PIK3C2G: variants seen among roughly 807,000 people sequenced by gnomAD.
The protein encoded by PIK3C2G is phosphatidylinositol-4-phosphate 3-kinase catalytic subunit type 2 gamma.
PIK3C2G carries 168 observed loss-of-function variants against 181.1 expected under a neutral mutation model. The ratio of observed to expected loss-of-function variants is 0.93; its 90% CI spans 0.82 to 1.05. PIK3C2G has a LOEUF of 1.05. Ranked by LOEUF, PIK3C2G falls within the 50% of genes least tolerant of loss-of-function variation. The pLI is 0.00. For missense variants in PIK3C2G, 1,869 were observed against 1,732.8 expected (o/e 1.08, Z -1.40); for synonymous variants, 573 against 592.2 (o/e 0.97, Z 0.47).
At chr12:18,509,279 C>T (rs1198109264) in intron 24 of PIK3C2G, among the ~76,000 whole-genome samples, 6 of 152,152 alleles carry the variant, frequency 3.9e-5, no homozygotes, top group Non-Finnish European at 7.3e-5. Flanking sequence ...AACTCCCGAC[C>T]TCAGGCAATT....
At chr12:18,611,663 T>G (rs931091581) in intron 31 of PIK3C2G, among the ~76,000 whole-genome samples, 6 of 152,096 alleles carry the variant, frequency 3.9e-5, no homozygotes, top group Non-Finnish European at 7.4e-5. Context: ...GCCACCTTTT[T>G]CATCTCAGTA....
chr12:18,663,564 A>C, the PIK3C2G span, among the ~76,000 whole-genome samples: 6 of 152,124 alleles, frequency 3.9e-5, no homozygotes, highest in Non-Finnish European at 5.9e-5. Flanking sequence ...TCCCACATTG[A>C]TACCAAAGGA....
At chr12:18,401,603 A>G (rs772232419) in intron 16 of PIK3C2G, among the ~76,000 whole-genome samples, 2 of 152,174 alleles carry the variant, frequency 1.3e-5, no homozygotes, top group South Asian at 4.1e-4. Flanking sequence ...AGAATAAGAG[A>G]AAATAAATAT....
At chr12:18,499,174 C>T (rs74068012) in intron 22 of PIK3C2G, among the ~76,000 whole-genome samples, 1,966 of 152,276 alleles carry the variant, frequency 0.013, 42 homozygotes, top group African/African-American at 0.046. Context: ...TTGTAGATGT[C>T]GCAAGACAAA....
At chr12:18,422,083 A>G (rs1592219345) in intron 17 of PIK3C2G, among the ~76,000 whole-genome samples, 1 of 152,084 alleles carries the variant, frequency 6.6e-6, no homozygotes, top group Non-Finnish European at 1.5e-5. Context: ...GTTTTCACAA[A>G]AGTCTGTAGA....
intron 1 of PIK3C2G, among the ~76,000 whole-genome samples, chr12:18,249,144 TTCC>T (rs1948071419): frequency 6.6e-6 from 1 of 152,168 alleles, no homozygotes; most frequent in Admixed American, 6.5e-5. Context: ...TTATACTTCA[TTCC>T]CTGCCACCAC....
At chr12:18,363,903 A>G (rs1217748142) in intron 12 of PIK3C2G, among the ~76,000 whole-genome samples, 2 of 152,138 alleles carry the variant, frequency 1.3e-5, no homozygotes, top group African/African-American at 4.8e-5. Context: ...TAGGACCATG[A>G]CAATCTCTAT....
At chr12:18,276,602 T>C (rs1393364149) in intron 1 of PIK3C2G, among the ~76,000 whole-genome samples, 1 of 152,200 alleles carries the variant, frequency 6.6e-6, no homozygotes, top group Non-Finnish European at 1.5e-5. Context: ...ATATTCTATA[T>C]AAAATCCTAC....
At chr12:18,282,846 T>A in intron 2 of PIK3C2G, 87 bp downstream of exon 2, 2 of 892,856 alleles carry the variant, frequency 2.2e-6, no homozygotes, top group South Asian at 2.3e-5. Flanking sequence ...TGAAGATAAC[T>A]AAACTTAAAT....
intron 19 of PIK3C2G, 28 bp downstream of exon 19, chr12:18,488,657 G>C (rs780862408): frequency 7.4e-7 from 1 of 1,352,796 alleles, no homozygotes; most frequent in African/African-American, 1.5e-5. Context: ...TATTCAGGTA[G>C]TAATGTTTTT....
intron 11 of PIK3C2G, 69 bp downstream of exon 11, chr12:18,346,905 CATGTTCT>C: frequency 9.8e-7 from 1 of 1,017,430 alleles, no homozygotes; most frequent in East Asian, 2.8e-5. Flanking sequence ...TGCAATTTGT[CATGTTCT>C]TATATGCAGG....
chr12:18,366,897 G>A (rs565949816), intron 12 of PIK3C2G, among the ~76,000 whole-genome samples: 2 of 151,874 alleles, frequency 1.3e-5, no homozygotes, highest in Non-Finnish European at 2.9e-5. Context: ...AAATTCATAG[G>A]TATTAAAGAA....
At chr12:18,472,954 C>T (rs1938593651) in intron 18 of PIK3C2G, among the ~76,000 whole-genome samples, 3 of 152,170 alleles carry the variant, frequency 2.0e-5, no homozygotes, top group Admixed American at 2.0e-4. Flanking sequence ...CCCACCTCAC[C>T]TTCCAAAAGT....
intron 11 of PIK3C2G, among the ~76,000 whole-genome samples, chr12:18,351,623 A>G (rs555607922): frequency 5.9e-5 from 9 of 152,318 alleles, no homozygotes; most frequent in African/African-American, 2.2e-4. Context: ...TGTTATCTGC[A>G]AGGGATTGGT....
At chr12:18,361,533 G>GAAA (rs35694150) in intron 11 of PIK3C2G, among the ~76,000 whole-genome samples, 1 of 146,256 alleles carries the variant, frequency 6.8e-6, no homozygotes, top group Non-Finnish European at 1.5e-5. Context: ...GCTTCCCACT[G>GAAA]AAAAAAAAAA....
At chr12:18,630,881 T>C (rs1949322491) in intron 31 of PIK3C2G, among the ~76,000 whole-genome samples, 1 of 152,100 alleles carries the variant, frequency 6.6e-6, no homozygotes, top group African/African-American at 2.4e-5. Context: ...AGGAAACTTC[T>C]CATTGCTTAT....
intron 29 of PIK3C2G, among the ~76,000 whole-genome samples, chr12:18,572,221 T>A (rs998267711): frequency 6.7e-5 from 10 of 150,072 alleles, no homozygotes; most frequent in Non-Finnish European, 1.2e-4. Flanking sequence ...TATAATCAAC[T>A]TTTTTTAGTC....
intron 18 of PIK3C2G, among the ~76,000 whole-genome samples, chr12:18,430,963 C>A (rs1946123018): frequency 6.6e-6 from 1 of 151,898 alleles, no homozygotes; most frequent in African/African-American, 2.4e-5. Context: ...TTTAAATAAT[C>A]TTCCCTCAAC....
rs1019137741 is a variant in PIK3C2G at position 18,449,391 on chromosome 12, C to T, written c.2504+25352C>T. ...TGGTAGTTTGCTGCACCTATCAACA[C>T]GTCATCTAGGTTTTAAGCTCCACAT... On this transcript the variant is annotated intron_variant, in intron 18 of 32. Transcript: ENST00000538779. 1.1e-3 allele frequency among the ~76,000 whole-genome samples: 167 copies of T among 152,046 alleles called. 1 individual carries two copies. The highest frequency in any genetic ancestry group is 4.1e-4 in the African/African-American group (17 of 41,468).
Sources: allele counts gnomAD v4.1 joint callset (sites outside exome capture counted in the v4.1 genomes callset), GRCh38; gene constraint gnomAD v4.1.1; transcripts MANE v1.5; gene names NCBI Gene and HGNC (gene_info 2026-07-23, HGNC 2026-07-21).